Variants in PJA2 observed in about 807,000 individuals in gnomAD.
PJA2 encodes the protein E3 ubiquitin-protein ligase Praja-2.
In PJA2, 25 loss-of-function variants were observed where a neutral mutation model predicts 69.3. The observed-to-expected ratio is 0.36, with a 90% CI of 0.26 to 0.50. The LOEUF (loss-of-function observed/expected upper bound fraction) is 0.50. Ranked by LOEUF, PJA2 falls within the 20% of genes least tolerant of loss-of-function variation. The probability of loss-of-function intolerance (pLI) is 0.96; values close to 1 mark genes in which losing one functional copy is unlikely to be tolerated. For synonymous variants in PJA2, 308 were observed against 277.8 expected, an observed-to-expected ratio of 1.11 and a Z score of -1.08; for missense variants, 809 against 830.2, an observed-to-expected ratio of 0.97 and a Z score of 0.31.
At chr5:109,346,607 C>T (rs751393726) in intron 7 of PJA2, among the ~76,000 whole-genome samples, 2 of 152,166 alleles carry the variant, frequency 1.3e-5, no homozygotes, top group Non-Finnish European at 1.5e-5. Flanking sequence ...ACACATGCCA[C>T]GACATGGATG....
intron 1 of PJA2, among the ~76,000 whole-genome samples, chr5:109,406,578 T>C (rs1299543481): frequency 2.0e-5 from 3 of 152,214 alleles, no homozygotes; most frequent in Non-Finnish European, 2.9e-5. Context: ...CTGATGGATA[T>C]GTAAAATGTG....
intron 7 of PJA2, among the ~76,000 whole-genome samples, chr5:109,348,158 T>C (rs984434822): frequency 6.6e-6 from 1 of 152,198 alleles, no homozygotes; most frequent in Non-Finnish European, 1.5e-5. Context: ...AAAGCCCAGA[T>C]AGCTCCTATA....
intron 4 of PJA2, among the ~76,000 whole-genome samples, chr5:109,375,621 A>G (rs997843062): frequency 1.3e-5 from 2 of 152,236 alleles, no homozygotes; most frequent in African/African-American, 2.4e-5. Context: ...CTTTTCAAGT[A>G]TATCAACTTT....
chr5:109,355,989 C>G lies in PJA2; in HGVS notation c.1690G>C (p.Glu564Gln). ...TGAGGATCCACATATGAAATAGCTTCAGCAACTCCTAGTCCATCTGCAAAG... is the reference window on the plus strand; with the variant it reads ...TGAGGATCCACATATGAAATAGCTTGAGCAACTCCTAGTCCATCTGCAAAG... Reference protein sequence around the residue: ...DGFADGLGVAEAISYVDPQFL... With the variant: ...DGFADGLGVAQAISYVDPQFL... Residue 564 changes from glutamate to glutamine, a missense_variant, in exon 7 of 10, where the codon GAA (glutamate) becomes CAA (glutamine). Glu to Gln is a conservative substitution (Grantham distance 29, BLOSUM62 2). This residue lies in a region of PJA2 where 55 missense variants were observed against 90.7 expected (regional missense o/e 0.61). Transcript: ENST00000361189. 1.2e-6 allele frequency: 2 copies of G among 1,612,956 alleles called. No homozygotes were observed. The highest frequency in any genetic ancestry group is 1.7e-6 in the Non-Finnish European group (2 of 1,179,690).
intron 7 of PJA2, among the ~76,000 whole-genome samples, chr5:109,354,016 AT>A (rs1762340903): frequency 6.9e-6 from 1 of 144,382 alleles, no homozygotes; most frequent in South Asian, 2.3e-4. Context: ...TATAGATTAG[AT>A]ATCTATGATA....
chr5:109,392,687 C>G (rs758144780), intron 1 of PJA2, among the ~76,000 whole-genome samples: 1 of 151,976 alleles, frequency 6.6e-6, no homozygotes, highest in African/African-American at 2.4e-5. Context: ...AGGACCAACA[C>G]AGGAACAGAG....
At chr5:109,378,035 C>T (rs913588437) in intron 4 of PJA2, among the ~76,000 whole-genome samples, 169 bp downstream of exon 4, 2 of 152,106 alleles carry the variant, frequency 1.3e-5, no homozygotes, top group South Asian at 2.1e-4. Flanking sequence ...GTGAAAAATT[C>T]TAATGAGTAG....
At chr5:109,376,180 G>C (rs1302392134) in intron 4 of PJA2, among the ~76,000 whole-genome samples, 1 of 149,784 alleles carries the variant, frequency 6.7e-6, no homozygotes, top group Non-Finnish European at 1.5e-5. Context: ...AGGCTCTGTA[G>C]TCAATACATT....
chr5:109,409,225 G>GCGGAAAGGTGCTGATCC (rs1747765960), intron 1 of PJA2: 3 of 152,260 alleles, frequency 2.0e-5, no homozygotes, highest in Non-Finnish European at 2.9e-5. Flanking sequence ...AGCAGCCCTG[G>GCGGAAAGGTGCTGATCC]CGGAAAGGTG....
intron 1 of PJA2, among the ~76,000 whole-genome samples, chr5:109,394,523 T>C (rs1747360346): frequency 6.6e-6 from 1 of 152,256 alleles, no homozygotes; most frequent in South Asian, 2.1e-4. Context: ...GTGATTTTTA[T>C]GCCTTCCATT....
In PJA2 at chr5:109,383,459, T is replaced by A. The variant is rs775909651; in HGVS notation, c.-26A>T. ...ATATGGCAGCGTCTGTGTGACCAGT[T>A]CAGTAGAATTATAGATGTGATTTAG... On this transcript the variant is annotated 5_prime_UTR_variant, in exon 2 of 10. Transcript: ENST00000361189. 3.1e-6 allele frequency: 5 copies of A among 1,590,144 alleles called. No individual in the cohort carries two copies. Among genetic ancestry groups the A allele is most frequent in the Non-Finnish European group, 4.3e-6 (5 of 1,161,802 alleles).
At chr5:109,347,299 G>A (rs887951003) in intron 7 of PJA2, among the ~76,000 whole-genome samples, 2 of 152,220 alleles carry the variant, frequency 1.3e-5, no homozygotes, top group Non-Finnish European at 2.9e-5. Flanking sequence ...TAGCTGACAT[G>A]ATTTTAAGTT....
chr5:109,359,969 A>G lies in PJA2; in HGVS notation c.1652+2871T>C, dbSNP rs778267129. Among the ~76,000 whole-genome samples, 3 of 152,322 alleles carry G rather than the reference A, an allele frequency of 2.0e-5. 1 individual carries two copies. The highest frequency in any genetic ancestry group is 2.0e-4 in the Admixed American group (3 of 15,300). On this transcript the variant is annotated intron_variant, in intron 6 of 9. Transcript: ENST00000361189. The stretch of plus-strand genomic sequence containing the variant: ...TTACTCATAAGTGGGTCAGAAAAAA[A>G]CCTTACTATAAGTATAAAGAAAGGA...
At chr5:109,387,312 T>C (rs1305239125) in intron 1 of PJA2, among the ~76,000 whole-genome samples, 2 of 152,160 alleles carry the variant, frequency 1.3e-5, no homozygotes, top group African/African-American at 4.8e-5. Flanking sequence ...CGTCTACCAC[T>C]TTCTATCTCT....
chr5:109,386,732 C>G (rs1747167425), intron 1 of PJA2, among the ~76,000 whole-genome samples: 1 of 152,032 alleles, frequency 6.6e-6, no homozygotes, highest in South Asian at 2.1e-4. Flanking sequence ...CCTTGGACAT[C>G]TGAAAATACT....
At chr5:109,359,519 G>A (rs1762476565) in intron 6 of PJA2, among the ~76,000 whole-genome samples, 1 of 152,156 alleles carries the variant, frequency 6.6e-6, no homozygotes, top group Non-Finnish European at 1.5e-5. Context: ...GATATGTACT[G>A]CAAAGGACAA....
chr5:109,399,557 G>A (rs1747492100), intron 1 of PJA2, among the ~76,000 whole-genome samples: 1 of 152,134 alleles, frequency 6.6e-6, no homozygotes, highest in Non-Finnish European at 1.5e-5. Flanking sequence ...CCACAGAAAC[G>A]AAATCCAAAC....
At chr5:109,404,100 CAAA>C (rs1356564394) in intron 1 of PJA2, among the ~76,000 whole-genome samples, 103 of 138,496 alleles carry the variant, frequency 7.4e-4, no homozygotes, top group African/African-American at 2.1e-3. Context: ...ACAACAACAA[CAAA>C]AACCTCTCAG....
rs960198001 is a variant in PJA2, at chr5:109,348,504, A to G, written c.1765-3685T>C. ...ATCTGACTGAACTCTGAGGAAACTG[A>G]TAACTTTGAATCCCCAAGTCACTCT... On this transcript the variant is annotated intron_variant, in intron 7 of 9. Transcript: ENST00000361189. Among the ~76,000 whole-genome samples the G allele has an allele frequency of 5.9e-5, 9 of 152,328 alleles. No individual in the cohort carries two copies. In the South Asian group the frequency reaches 8.3e-4, roughly 14 times the overall value.
Sources: gnomAD v4.1 joint callset for allele counts (sites outside exome capture counted in the v4.1 genomes callset) on GRCh38, gnomAD v4.1.1 for gene constraint, gnomAD v4.1.1 regional missense constraint, MANE v1.5 for transcripts, NCBI Gene and HGNC (gene_info 2026-07-23, HGNC 2026-07-21) for gene names.